Variants in PCDHGA4 observed in about 807,000 individuals in gnomAD.
PCDHGA4 encodes the protein protocadherin gamma subfamily A, 4.
Under a neutral mutation model 54.6 loss-of-function variants are expected in PCDHGA4, and 38 were observed. That is an observed-to-expected ratio of 0.70 (90% confidence interval 0.54 to 0.91). The LOEUF is 0.91. Ranked by LOEUF, PCDHGA4 falls within the 40% of genes least tolerant of loss-of-function variation. The pLI is 0.00. For missense variants in PCDHGA4, 1,298 were observed against 1,220.9 expected (o/e 1.06, Z -0.94); for synonymous variants, 511 against 512.9 (o/e 1.00, Z 0.05).
At chr5:141,418,344 T>G (rs746519142) in intron 1 of PCDHGA4, 1 of 1,614,008 alleles carries the variant, frequency 6.2e-7, no homozygotes, top group Non-Finnish European at 8.5e-7. Context: ...GATCCTGATA[T>G]TAGTATGAAT....
At chr5:141,413,417 T>C in intron 1 of PCDHGA4, 18 of 1,614,086 alleles carry the variant, frequency 1.1e-5, no homozygotes, top group Non-Finnish European at 1.5e-5. Context: ...CTTTTCTCTC[T>C]GAACCCGCGC....
At position 141,416,083 on chromosome 5, in the gene PCDHGA4, A is replaced by T. The variant is rs183563665; in HGVS notation, c.2514+58462A>T. The T allele has an allele frequency of 1.6e-4, 27 of 167,232 alleles. 1 individual carries two copies. The East Asian group carries it at 3.9e-3, about 24-fold the overall frequency. The allele number at this position is 167,232 out of a possible 1,614,324, so 10.4% of individuals were successfully genotyped here. A position where few individuals can be genotyped will look rare whatever the true frequency, so the allele number is the denominator to read the frequency against. On this transcript the variant is annotated intron_variant, in intron 1 of 3. Transcript: ENST00000571252. Reference sequence around the variant, plus strand: ...AGAATACTCAATGCAGTTCTTCCCAAGGAGAAGGGCAATAGGCCTTTTTCA... The same window carrying T: ...AGAATACTCAATGCAGTTCTTCCCATGGAGAAGGGCAATAGGCCTTTTTCA...
Position 141,356,374 on chromosome 5 carries a change from T to G in PCDHGA4, c.1267T>G (p.Phe423Val). Reference protein sequence around the residue: ...VTCSIPDNLPFTLEKTYGNYY... With the variant: ...VTCSIPDNLPVTLEKTYGNYY... ...ATGTTCTATTCCAGATAATCTGCCA[T>G]TCACACTTGAAAAGACCTATGGAAA... Residue 423 changes from phenylalanine (F) to valine (V), a missense_variant, in exon 1 of 4, where the codon TTC becomes GTC. Physicochemically the swap from Phe to Val is conservative, Grantham distance 50. Transcript: ENST00000571252. 1.9e-6 allele frequency: 3 copies of G among 1,562,992 alleles called. No homozygotes were observed. The South Asian group carries it at 3.5e-5, about 18-fold the overall frequency.
At chr5:141,362,570 A>T (rs1444834123) in intron 1 of PCDHGA4, 1 of 1,606,622 alleles carries the variant, frequency 6.2e-7, no homozygotes, top group Non-Finnish European at 8.5e-7. Flanking sequence ...AGCTTTAATT[A>T]ATTTATTTTC....
chr5:141,509,572 G>T (rs955898202), intron 3 of PCDHGA4, among the ~76,000 whole-genome samples: 24 of 152,300 alleles, frequency 1.6e-4, no homozygotes, highest in Middle Eastern at 3.4e-3. Context: ...CCTTCACAGT[G>T]CGTACAAATC....
chr5:141,393,427 A>G (rs2092758301), intron 1 of PCDHGA4: 2 of 1,613,922 alleles, frequency 1.2e-6, no homozygotes, highest in Admixed American at 3.3e-5. Flanking sequence ...AGGGAGGAAG[A>G]GGCTGCTCAC....
chr5:141,414,184 G>C (rs1228749194), intron 1 of PCDHGA4: 3 of 1,609,416 alleles, frequency 1.9e-6, no homozygotes, highest in Non-Finnish European at 2.5e-6. Flanking sequence ...AACTGCAAAA[G>C]TGTTGATTAC....
intron 1 of PCDHGA4, chr5:141,399,518 G>C (rs2093824828): frequency 6.2e-7 from 1 of 1,613,994 alleles, no homozygotes. Flanking sequence ...AACCCTCCTG[G>C]GGCCTCCATC....
intron 1 of PCDHGA4, chr5:141,414,447 C>A (rs2095748360): frequency 1.2e-6 from 2 of 1,613,848 alleles, no homozygotes; most frequent in East Asian, 2.2e-5. Flanking sequence ...CTTACAATAT[C>A]ACAGTGACAG....
At chr5:141,375,421 C>G in intron 1 of PCDHGA4, 1 of 1,613,998 alleles carries the variant, frequency 6.2e-7, no homozygotes, top group South Asian at 1.1e-5. Flanking sequence ...CAGACACCAA[C>G]GACAACCCGC....
intron 1 of PCDHGA4, chr5:141,419,897 A>G: frequency 1.2e-6 from 2 of 1,613,960 alleles, no homozygotes; most frequent in African/African-American, 2.7e-5. Flanking sequence ...CGACCATCCC[A>G]CACCCTCTGA....
chr5:141,395,241 A>T (rs1398967812), intron 1 of PCDHGA4: 1 of 1,571,196 alleles, frequency 6.4e-7, no homozygotes, highest in East Asian at 2.3e-5. Context: ...TGGTCAGGTG[A>T]GTTTAGTTCT....
chr5:141,408,849 A>G (rs764977493), intron 1 of PCDHGA4: 1 of 1,613,610 alleles, frequency 6.2e-7, no homozygotes, highest in South Asian at 1.1e-5. Context: ...ACTGCCTTGG[A>G]CGGAGGGGAC....
Position 141,476,160 on chromosome 5 carries a change from G to A in PCDHGA4, c.2515-18647G>A, listed in dbSNP as rs781765205. 4.3e-6 allele frequency: 7 copies of A among 1,612,858 alleles called. No homozygotes were observed. The highest frequency in any genetic ancestry group is 5.9e-6 in the Non-Finnish European group (7 of 1,179,926). On this transcript the variant is annotated intron_variant, in intron 1 of 3. Coordinates refer to ENST00000571252, the MANE Select transcript of PCDHGA4 (RefSeq NM_018917.4). This position sits in a 1 kb window ranked among gnomAD's most constrained non-coding sequence, Gnocchi z 7.6. ...AGGAGCGGACTGGTAAGCACCGGGA[G>A]GGTAGTGGGAGTTTTGCTTCTGCTT...
chr5:141,431,974 CA>C lies in PCDHGA4; in HGVS notation c.2515-62832del, dbSNP rs1419355804. The C allele has an allele frequency of 1.2e-6, 2 of 1,614,174 alleles. No individual in the cohort carries two copies. The highest frequency in any genetic ancestry group is 1.3e-5 in the African/African-American group (1 of 75,058). On this transcript the variant is annotated intron_variant, in intron 1 of 3. Transcript: ENST00000571252. This position sits in a 1 kb window ranked among gnomAD's most constrained non-coding sequence, Gnocchi z 4.8. ...CTTACGGAAATTACTATAGTTTAGT[CA>C]CAGACATAGTCTTGGATAGGGAACA... is the stretch of plus-strand genomic sequence containing the variant.
At chr5:141,424,016 T>G in intron 1 of PCDHGA4, 16 of 1,038,360 alleles carry the variant, frequency 1.5e-5, no homozygotes, top group Non-Finnish European at 1.3e-5. Context: ...AAATTAATGA[T>G]TCACAAACAC....
In PCDHGA4 at chr5:141,404,747, G is replaced by A. The variant is rs142282950; in HGVS notation, c.2514+47126G>A. 3.0e-4 allele frequency: 483 copies of A among 1,614,062 alleles called. 2 individuals carry two copies. The African/African-American group carries it at 5.3e-3, about 18-fold the overall frequency. On this transcript the variant is annotated intron_variant, in intron 1 of 3. Coordinates refer to ENST00000571252, the MANE Select transcript of PCDHGA4 (RefSeq NM_018917.4). ...GGTGGTGGCAGTGGACAGAGACTCA[G>A]GCCAGAATGCTTGGCTCTCCTACCG...
At chr5:141,497,464 TGGA>T (rs769464389) in intron 2 of PCDHGA4, among the ~76,000 whole-genome samples, 3 of 151,764 alleles carry the variant, frequency 2.0e-5, no homozygotes, top group Non-Finnish European at 4.4e-5. Context: ...CTTGGAGATA[TGGA>T]GGAGAAGGTG....
intron 1 of PCDHGA4, among the ~76,000 whole-genome samples, chr5:141,359,245 T>A (rs910356279): frequency 1.3e-5 from 2 of 152,062 alleles, no homozygotes; most frequent in Non-Finnish European, 2.9e-5. Flanking sequence ...TTAAAGTAAT[T>A]AAGCCATAAA....
Sources: gnomAD v4.1 joint callset for allele counts (sites outside exome capture counted in the v4.1 genomes callset) on GRCh38, gnomAD v4.1.1 for gene constraint, Gnocchi (gnomAD v3.1) non-coding constraint, MANE v1.5 for transcripts, NCBI Gene and HGNC (gene_info 2026-07-23, HGNC 2026-07-21) for gene names.